The following SHISA9 variants were observed in gnomAD, a reference collection of about 807,000 sequenced individuals.
The protein encoded by SHISA9 is protein shisa-9.
In SHISA9, 13 loss-of-function variants were observed where a neutral mutation model predicts 38.0. The observed-to-expected ratio is 0.34, with a 90% confidence interval of 0.22 to 0.54. SHISA9 has a LOEUF of 0.54. Ranked by LOEUF, SHISA9 falls within the 20% of genes least tolerant of loss-of-function variation. The probability of loss-of-function intolerance (pLI) is 0.91; values close to 1 mark genes in which losing one functional copy is unlikely to be tolerated. For missense variants in SHISA9, 538 were observed against 575.8 expected (o/e 0.93, Z 0.67); for synonymous variants, 275 against 242.0 (o/e 1.14, Z -1.27).
At chr16:13,100,400 C>G (rs1336991326) in intron 2 of SHISA9, among the ~76,000 whole-genome samples, 2 of 152,116 alleles carry the variant, frequency 1.3e-5, no homozygotes, top group South Asian at 4.1e-4. Context: ...GAGTGAATCC[C>G]AGATATGCAC....
At chr16:13,362,238 A>AAAC in the SHISA9 span, among the ~76,000 whole-genome samples, 1 of 149,534 alleles carries the variant, frequency 6.7e-6, no homozygotes, top group South Asian at 2.1e-4. Flanking sequence ...AAGCAAAACC[A>AAAC]AACAACAACA....
chr16:12,930,087 C>G (rs2071444112), intron 2 of SHISA9, among the ~76,000 whole-genome samples: 1 of 152,194 alleles, frequency 6.6e-6, no homozygotes, highest in South Asian at 2.1e-4. Flanking sequence ...CTACTTGCTC[C>G]TTTCACATTT....
At chr16:12,971,540 G>GGGGA (rs1417720075) in intron 2 of SHISA9, among the ~76,000 whole-genome samples, 2 of 152,168 alleles carry the variant, frequency 1.3e-5, no homozygotes, top group Non-Finnish European at 2.9e-5. Flanking sequence ...CTGCATAACT[G>GGGGA]GGGAGGCAAG....
chr16:13,523,501 A>G, the SHISA9 span, among the ~76,000 whole-genome samples: 115,709 of 152,110 alleles, frequency 0.76, 44,297 homozygotes, highest in East Asian at 0.98. Flanking sequence ...AGTTCTGCAG[A>G]GTGTACAGGA....
At chr16:13,055,997 G>A (rs142667312) in intron 2 of SHISA9, among the ~76,000 whole-genome samples, 3 of 152,178 alleles carry the variant, frequency 2.0e-5, no homozygotes, top group Non-Finnish European at 2.9e-5. Context: ...AGCTTGGGAC[G>A]CAAGTATGCA....
chr16:13,505,292 G>T, the SHISA9 span, among the ~76,000 whole-genome samples: 1 of 152,182 alleles, frequency 6.6e-6, no homozygotes, highest in Admixed American at 6.5e-5. Flanking sequence ...GCTTTTTGTG[G>T]CTCTGCCTTC....
the SHISA9 span, among the ~76,000 whole-genome samples, chr16:13,467,762 G>A: frequency 7.9e-5 from 12 of 152,034 alleles, no homozygotes; most frequent in Admixed American, 7.2e-4. Context: ...TCCCTCCTTC[G>A]TCCACTCCCA....
chr16:13,402,044 A>G, the SHISA9 span, among the ~76,000 whole-genome samples: 1 of 152,220 alleles, frequency 6.6e-6, no homozygotes, highest in African/African-American at 2.4e-5. Context: ...TGGGGATTAT[A>G]GGAGCTACAA....
At chr16:13,471,213 G>C in the SHISA9 span, among the ~76,000 whole-genome samples, 1 of 152,046 alleles carries the variant, frequency 6.6e-6, no homozygotes, top group African/African-American at 2.4e-5. Context: ...CCTTAATATG[G>C]GGCTGACAGT....
chr16:12,915,665 A>G (rs2071244188), intron 1 of SHISA9, among the ~76,000 whole-genome samples: 1 of 152,172 alleles, frequency 6.6e-6, no homozygotes, highest in Non-Finnish European at 1.5e-5. Context: ...CCTGAAGGTA[A>G]GTGAAATGTG....
At chr16:13,293,989 T>C in the SHISA9 span, among the ~76,000 whole-genome samples, 1 of 152,224 alleles carries the variant, frequency 6.6e-6, no homozygotes, top group Admixed American at 6.5e-5. Context: ...CACTGGCTTA[T>C]CCAACACTCC....
intron 2 of SHISA9, among the ~76,000 whole-genome samples, chr16:13,162,398 A>G (rs2050602584): frequency 6.6e-6 from 1 of 152,154 alleles, no homozygotes; most frequent in Non-Finnish European, 1.5e-5. Flanking sequence ...CTTTCAGGTA[A>G]TTCTTATAGG....
the SHISA9 span, among the ~76,000 whole-genome samples, chr16:13,259,587 G>A: frequency 6.6e-6 from 1 of 152,334 alleles, no homozygotes; most frequent in African/African-American, 2.4e-5. Context: ...GCATCCAAGA[G>A]TTTCCACACA....
chr16:13,540,852 C>T, the SHISA9 span, among the ~76,000 whole-genome samples: 1 of 152,206 alleles, frequency 6.6e-6, no homozygotes, highest in African/African-American at 2.4e-5. Flanking sequence ...TCATCACTAT[C>T]TTCTGCTGTT....
intron 2 of SHISA9, among the ~76,000 whole-genome samples, chr16:13,015,081 G>A (rs1216531135): frequency 6.6e-6 from 1 of 152,222 alleles, no homozygotes; most frequent in Non-Finnish European, 1.5e-5. Flanking sequence ...TGTCTCGTAT[G>A]TGTAGGTATT....
chr16:12,994,537 G>A (rs1000565440), intron 2 of SHISA9, among the ~76,000 whole-genome samples: 1 of 152,196 alleles, frequency 6.6e-6, no homozygotes, highest in African/African-American at 2.4e-5. Context: ...TATGGTGGTG[G>A]TGGTAGTGGT....
chr16:13,242,329 G>T (rs912459685), downstream of SHISA9, among the ~76,000 whole-genome samples: 2 of 152,172 alleles, frequency 1.3e-5, no homozygotes, highest in African/African-American at 2.4e-5. Flanking sequence ...AGATAAGGTA[G>T]ATCCGAGGAG....
At chr16:13,447,048 G>A in the SHISA9 span, among the ~76,000 whole-genome samples, 2 of 151,458 alleles carry the variant, frequency 1.3e-5, no homozygotes, top group African/African-American at 4.8e-5. Flanking sequence ...AAAAAAAAGA[G>A]AGAGAGAGAA....
the SHISA9 span, among the ~76,000 whole-genome samples, chr16:13,298,856 C>T: frequency 2.4e-4 from 37 of 152,350 alleles, no homozygotes; most frequent in African/African-American, 8.7e-4. Context: ...GCTTTCAGAG[C>T]CACCACAGGG....
Sources: allele counts gnomAD v4.1 joint callset (sites outside exome capture counted in the v4.1 genomes callset), GRCh38; gene constraint gnomAD v4.1.1; transcripts MANE v1.5; gene names NCBI Gene and HGNC (gene_info 2026-07-23, HGNC 2026-07-21).